The following DHRS7B variants were observed in gnomAD, a reference collection of about 807,000 sequenced individuals.
The protein encoded by DHRS7B is peroxisomal reductase activating PPAR-gamma.
A neutral mutation model predicts 26.4 loss-of-function variants in DHRS7B; 24 were observed. That is an observed-to-expected ratio of 0.91 (90% CI 0.66 to 1.28). DHRS7B has a LOEUF of 1.28. Ranked by LOEUF, DHRS7B falls within the 50% of genes most tolerant of loss-of-function variation. DHRS7B has a pLI of 0.00. For missense variants in DHRS7B, 368 were observed against 419.4 expected (o/e 0.88, Z 1.07); for synonymous variants, 142 against 166.4 (o/e 0.85, Z 1.13).
chr17:21,169,799 C>G (rs772459900), intron 1 of DHRS7B, among the ~76,000 whole-genome samples: 1 of 152,134 alleles, frequency 6.6e-6, no homozygotes, highest in Non-Finnish European at 1.5e-5. Flanking sequence ...CCACCCAACA[C>G]GCCTAGTGGG....
intron 1 of DHRS7B, among the ~76,000 whole-genome samples, chr17:21,139,065 CT>C (rs1973431820): frequency 6.6e-6 from 1 of 152,172 alleles, no homozygotes; most frequent in African/African-American, 2.4e-5. Context: ...CCAATCTGTC[CT>C]TGTTCATTCC....
intron 1 of DHRS7B, among the ~76,000 whole-genome samples, chr17:21,149,597 A>T (rs1228206718): frequency 6.6e-6 from 1 of 152,182 alleles, no homozygotes; most frequent in Non-Finnish European, 1.5e-5. Flanking sequence ...AAATTAAGAC[A>T]ACTAAAAGTC....
intron 2 of DHRS7B, among the ~76,000 whole-genome samples, chr17:21,172,941 G>T (rs1974293942): frequency 6.6e-6 from 1 of 152,234 alleles, no homozygotes; most frequent in Admixed American, 6.5e-5. Context: ...TTGGCACGTT[G>T]CACATGCACA....
intron 3 of DHRS7B, among the ~76,000 whole-genome samples, chr17:21,182,856 G>A (rs894343279): frequency 4.6e-5 from 7 of 152,152 alleles, no homozygotes; most frequent in African/African-American, 1.7e-4. Flanking sequence ...TAATTTTCTT[G>A]TGATATCTTT....
intron 1 of DHRS7B, among the ~76,000 whole-genome samples, chr17:21,162,867 T>C (rs1403530776): frequency 2.0e-5 from 3 of 152,172 alleles, no homozygotes; most frequent in Non-Finnish European, 4.4e-5. Flanking sequence ...AAAATTATTA[T>C]TTAATATTTC....
chr17:21,189,573 T>A (rs1309157432), intron 6 of DHRS7B, among the ~76,000 whole-genome samples: 3 of 152,236 alleles, frequency 2.0e-5, no homozygotes, highest in Admixed American at 2.0e-4. Context: ...TGCTGTGATG[T>A]CTGCCAGGGG....
intron 1 of DHRS7B, chr17:21,168,806 G>A: frequency 1.0e-6 from 1 of 985,478 alleles, no homozygotes; most frequent in Non-Finnish European, 1.2e-6. Flanking sequence ...GTTTGCCTCA[G>A]GCAAAGTGGT....
At position 21,185,402 on chromosome 17, in the gene DHRS7B, T is replaced by C. The variant is rs559893675; in HGVS notation, c.619+939T>C. On this transcript the variant is annotated intron_variant, in intron 5 of 6. Transcript: ENST00000395511. The stretch of plus-strand genomic sequence containing the variant: ...TGAGAGTGTAACACAGTTTATTCTT[T>C]CTTCCAAGATCTGGATCCCAGCTCT... 4.6e-5 allele frequency among the ~76,000 whole-genome samples: 7 copies of C among 152,358 alleles called. No homozygotes were observed. In the South Asian group the frequency reaches 1.0e-3, roughly 23 times the overall value.
intron 2 of DHRS7B, among the ~76,000 whole-genome samples, chr17:21,177,631 A>C (rs1016464617): frequency 1.3e-5 from 2 of 152,006 alleles, no homozygotes; most frequent in African/African-American, 4.8e-5. Context: ...ACCCCTCCCC[A>C]GCCAGTGAGG....
intron 1 of DHRS7B, among the ~76,000 whole-genome samples, chr17:21,161,724 C>T (rs903365262): frequency 5.3e-5 from 8 of 152,268 alleles, no homozygotes; most frequent in African/African-American, 1.7e-4. Context: ...GAGACACAGC[C>T]GTGTCCTCAG....
intron 6 of DHRS7B, among the ~76,000 whole-genome samples, chr17:21,190,459 C>A (rs1974751110): frequency 6.6e-6 from 1 of 152,190 alleles, no homozygotes; most frequent in Non-Finnish European, 1.5e-5. Context: ...ATAGTCCCCA[C>A]CCACCTCTGT....
intron 5 of DHRS7B, among the ~76,000 whole-genome samples, chr17:21,186,108 T>A (rs2039152730): frequency 6.6e-6 from 1 of 152,236 alleles, no homozygotes; most frequent in Non-Finnish European, 1.5e-5. Context: ...CGTATTCAGT[T>A]TTATAATGAC....
rs147783016 is a variant in DHRS7B at position 21,187,829 on chromosome 17, TTTTATTTATTTATTTA to T, written c.620-862_620-847del. Among the ~76,000 whole-genome samples, 876 of 145,794 alleles carry T rather than the reference TTTTATTTATTTATTTA, an allele frequency of 6.0e-3. 9 individuals carry two copies. The highest frequency in any genetic ancestry group is 0.02 in the African/African-American group (809 of 39,584). On this transcript the variant is annotated intron_variant, in intron 5 of 6. Transcript: ENST00000395511. ...TCATTCAGTTTTTTTTGTTTTTAAC[TTTTATTTATTTATTTA>T]TTTATTTATTTATTTATTTTTGAGA...
At position 21,171,998 on chromosome 17, in the gene DHRS7B, T is replaced by C. The variant is rs779785693; in HGVS notation, c.21-20T>C. 6.2e-7 allele frequency: 1 copy of C among 1,613,978 alleles called. No homozygotes were observed. Among genetic ancestry groups the C allele is most frequent in the South Asian group, 1.1e-5 (1 of 91,062 alleles). On this transcript the variant is annotated intron_variant, in intron 1 of 6. Transcript: ENST00000395511. Reference sequence around the variant, plus strand: ...ACTCTGCTACTTTGTCACTGGTGTGTTTGGTTTTGGTTCTTCCAGGAAGAG... The same window carrying C: ...ACTCTGCTACTTTGTCACTGGTGTGCTTGGTTTTGGTTCTTCCAGGAAGAG...
chr17:21,165,532 A>G (rs1974092323), intron 1 of DHRS7B, among the ~76,000 whole-genome samples: 2 of 152,056 alleles, frequency 1.3e-5, no homozygotes. Flanking sequence ...GCTGTTGCCC[A>G]GGCTGGTCCC....
At chr17:21,157,310 C>A (rs879764559) in intron 1 of DHRS7B, among the ~76,000 whole-genome samples, 8 of 152,260 alleles carry the variant, frequency 5.3e-5, no homozygotes, top group East Asian at 1.9e-4. Context: ...CAAATATCCT[C>A]AAAAAATATT....
At chr17:21,190,873 C>T (rs1974761609) in intron 6 of DHRS7B, 75 bp from the exon 7 acceptor site, 1 of 1,509,644 alleles carries the variant, frequency 6.6e-7, no homozygotes, top group Admixed American at 1.8e-5. Flanking sequence ...GACCTGACGA[C>T]TCACATCAGC....
intron 1 of DHRS7B, chr17:21,166,443 C>T (rs530072814): frequency 1.3e-5 from 13 of 985,162 alleles, no homozygotes; most frequent in African/African-American, 1.2e-4. Context: ...CGCCAGGAAC[C>T]GCCACTGGCA....
intron 1 of DHRS7B, among the ~76,000 whole-genome samples, chr17:21,136,296 C>A: frequency 7.3e-6 from 1 of 136,246 alleles, no homozygotes; most frequent in African/African-American, 2.8e-5. Context: ...GAGCAAAACT[C>A]CATTAAAAAA....
Sources: allele counts gnomAD v4.1 joint callset (sites outside exome capture counted in the v4.1 genomes callset), GRCh38; gene constraint gnomAD v4.1.1; transcripts MANE v1.5; gene names NCBI Gene and HGNC (gene_info 2026-07-23, HGNC 2026-07-21).